The following ACSS1 variants were observed in gnomAD, a reference collection of about 807,000 sequenced individuals.
The protein encoded by ACSS1 is acetyl-coenzyme A synthetase 2-like, mitochondrial.
Under a neutral mutation model 75.3 loss-of-function variants are expected in ACSS1, and 42 were observed. The observed-to-expected ratio is 0.56, with a 90% CI of 0.44 to 0.72. The LOEUF is 0.72. Among genes scored for constraint, ACSS1 ranks in the 30% least tolerant of loss-of-function variants. The probability of loss-of-function intolerance (pLI) is 0.00; values close to 1 mark genes in which losing one functional copy is unlikely to be tolerated. For synonymous variants in ACSS1, 380 were observed against 376.8 expected, an observed-to-expected ratio of 1.01 and a Z score of -0.10; for missense variants, 782 against 935.7, an observed-to-expected ratio of 0.84 and a Z score of 2.14.
intron 13 of ACSS1, 83 bp downstream of exon 13, chr20:25,009,187 A>C: frequency 8.2e-7 from 1 of 1,222,078 alleles, no homozygotes; most frequent in East Asian, 2.3e-5. Context: ...GAAAAGAGTA[A>C]TATGCTCCTA....
chr20:25,015,362 CT>C lies in ACSS1; in HGVS notation c.1247-133del, dbSNP rs542094889. 56 of 723,138 alleles carry C rather than the reference CT, an allele frequency of 7.7e-5. No individual in the cohort carries two copies. In the East Asian group the frequency reaches 1.6e-3, roughly 20 times the overall value. 44.8% of individuals were successfully genotyped at this position (723,138 alleles called of 1,614,324 possible). A position where few individuals can be genotyped will look rare whatever the true frequency, so the allele number is the denominator to read the frequency against. On this transcript the variant is annotated intron_variant, in intron 7 of 13. Transcript: ENST00000323482. ...GTCTCACTCTGTCTCCCAGGATGATCTTGGCTCATTGCAACCTCCACCTCCC... is the reference window on the plus strand; with the variant it reads ...GTCTCACTCTGTCTCCCAGGATGATCTGGCTCATTGCAACCTCCACCTCCC...
chr20:25,052,493 G>A (rs2089188615), intron 1 of ACSS1, among the ~76,000 whole-genome samples: 1 of 152,222 alleles, frequency 6.6e-6, no homozygotes, highest in African/African-American at 2.4e-5. Context: ...TTCCCCAAGG[G>A]CAGGGACTGT....
At position 25,021,427 on chromosome 20, in the gene ACSS1, C is replaced by G. The variant is rs770603218; in HGVS notation, c.1070G>C (p.Ser357Thr). 1.2e-6 allele frequency: 2 copies of G among 1,614,226 alleles called. No homozygotes were observed. Among genetic ancestry groups the G allele is most frequent in the Non-Finnish European group, 1.7e-6 (2 of 1,180,026 alleles). ...AACTGGGGTGCTCTCAAAAAGGACG[C>G]TGGTGGCACCATTGCAGAGAGGCCC... ...VYGPLCNGAT[S>T]VLFESTPVYP... The change falls in exon 6 of 14, where the codon AGC becomes ACC. Residue 357 changes from serine (S) to threonine (T), a missense_variant. Transcript: ENST00000323482.
Position 25,018,577 on chromosome 20 carries a change from G to A in ACSS1, c.1246+1433C>T, listed in dbSNP as rs142719354. On this transcript the variant is annotated intron_variant, in intron 7 of 13. Coordinates refer to ENST00000323482, the MANE Select transcript of ACSS1 (RefSeq NM_032501.4). ...GAACCAAGTGCTGCGTTCAACACAG[G>A]CTGCCCTACTTGCTGAGTGACCTCA... is the stretch of plus-strand genomic sequence containing the variant. Among the ~76,000 whole-genome samples, 4 of 152,264 alleles carry A rather than the reference G, an allele frequency of 2.6e-5. No homozygotes were observed. The East Asian group carries it at 7.7e-4, about 29-fold the overall frequency.
Position 25,023,505 on chromosome 20 carries a change from G to A in ACSS1, c.768C>T (p.Asn256=). ...QHVLVAHRTD[N]KVHMGDLDVP... ...CGTCCAGATCCCCCATGTGGACCTT[G>A]TTGTCTGTCCTGTGAGCCACCAGGA... Residue 256 remains asparagine (N), a synonymous_variant, in exon 4 of 14, where the codon AAC becomes AAT. Transcript: ENST00000323482. The A allele has an allele frequency of 6.2e-7, 1 of 1,614,112 alleles. No individual in the cohort carries two copies. The highest frequency in any genetic ancestry group is 8.5e-7 in the Non-Finnish European group (1 of 1,180,026).
In ACSS1 at chr20:25,058,043, G is replaced by A; in HGVS notation, c.60C>T (p.Leu20=). The change falls in exon 1 of 14, where the codon CTC becomes CTT. Residue 20 remains leucine, a synonymous_variant. Transcript: ENST00000323482. ...ACGGCGGCCGCGCGGGCTGCCCCGA[G>A]AGCCCTCGCAGGCTGCCCAGCAGCC... ...VGRLLGSLRG[L]SGQPARPPCG... 2 of 1,358,476 alleles carry A rather than the reference G, an allele frequency of 1.5e-6. No homozygotes were observed. Among genetic ancestry groups the A allele is most frequent in the Non-Finnish European group, 1.9e-6 (2 of 1,063,500 alleles). The allele number at this position is 1,358,476 out of a possible 1,614,324, so 84.2% of individuals were successfully genotyped here. A position where few individuals can be genotyped will look rare whatever the true frequency, so the allele number is the denominator to read the frequency against.
Position 25,014,040 on chromosome 20 carries a change from G to A in ACSS1, c.1373C>T (p.Ser458Leu), listed in dbSNP as rs200294586. The A allele has an allele frequency of 5.1e-5, 82 of 1,612,664 alleles. No individual in the cohort carries two copies. Among genetic ancestry groups the A allele is most frequent in the East Asian group, 4.5e-5 (2 of 44,842 alleles). Residue 458 changes from serine to leucine, a missense_variant, in exon 9 of 14, where the codon TCG (serine) becomes TTG (leucine). Coordinates refer to ENST00000323482, the MANE Select transcript of ACSS1 (RefSeq NM_032501.4). The part of the protein sequence containing the change: ...TGGICIAPRP[S>L]EEGAEILPAM... ...AGGGAGGATTTCCGCCCCTTCTTCC[G>A]AGGGCCGTGGTGCGATGCAGATGCC...
At chr20:25,025,247 A>G (rs1354107119) in intron 3 of ACSS1, among the ~76,000 whole-genome samples, 1 of 152,122 alleles carries the variant, frequency 6.6e-6, no homozygotes, top group African/African-American at 2.4e-5. Flanking sequence ...CCTGACTCGC[A>G]CCTGTCCAGG....
Position 25,030,805 on chromosome 20 carries a change from G to T in ACSS1, c.585C>A (p.Ile195=). ...AGGACTCTGCACTGAAGCCAGCAAA[G>T]ATGACTGTGTGGACAGCTCCGATCC... ...CARIGAVHTV[I]FAGFSAESLA... is the part of the protein sequence containing the mutation. Residue 195 remains isoleucine (I), a synonymous_variant, in exon 3 of 14, where the codon ATC becomes ATA. Transcript: ENST00000323482. 1.2e-6 allele frequency: 2 copies of T among 1,614,236 alleles called. No homozygotes were observed. Among genetic ancestry groups the T allele is most frequent in the Non-Finnish European group, 1.7e-6 (2 of 1,180,054 alleles).
intron 7 of ACSS1, 115 bp downstream of exon 7, chr20:25,019,895 G>T: frequency 6.8e-7 from 1 of 1,470,810 alleles, no homozygotes. Flanking sequence ...GGCATTGCGT[G>T]AATTCACACA....
rs1030446516 is a variant in ACSS1 at position 25,007,107 on chromosome 20, C to T, written c.*655G>A. Reference sequence around the variant, plus strand: ...AGAAACACTCACCAGGAAAAGATGCCGGAGGCTTGGAAGTTCTCAAGGGAA... The same window carrying T: ...AGAAACACTCACCAGGAAAAGATGCTGGAGGCTTGGAAGTTCTCAAGGGAA... On this transcript the variant is annotated 3_prime_UTR_variant, in exon 14 of 14. Coordinates refer to ENST00000323482, the MANE Select transcript of ACSS1 (RefSeq NM_032501.4). 29 of 1,403,150 alleles carry T rather than the reference C, an allele frequency of 2.1e-5. No individual in the cohort carries two copies. The Admixed American group carries it at 4.7e-4, about 23-fold the overall frequency. 86.9% of individuals were successfully genotyped at this position (1,403,150 alleles called of 1,614,324 possible). A position where few individuals can be genotyped will look rare whatever the true frequency, so the allele number is the denominator to read the frequency against.
intron 1 of ACSS1, among the ~76,000 whole-genome samples, chr20:25,048,474 C>A (rs2089131305): frequency 6.6e-6 from 1 of 152,214 alleles, no homozygotes; most frequent in Non-Finnish European, 1.5e-5. Flanking sequence ...CCTAGAGACC[C>A]CATCCAATGG....
At chr20:25,014,909 G>T (rs977835858) in intron 8 of ACSS1, among the ~76,000 whole-genome samples, 1 of 152,190 alleles carries the variant, frequency 6.6e-6, no homozygotes, top group Non-Finnish European at 1.5e-5. Flanking sequence ...CCTCACAAAG[G>T]AGGAAACCGA....
chr20:25,011,879 C>G (rs1411512432), intron 12 of ACSS1: 3 of 152,450 alleles, frequency 2.0e-5, no homozygotes, highest in Non-Finnish European at 2.9e-5. Context: ...CTGGGCAGGG[C>G]AGGAGAAGCC....
intron 8 of ACSS1, 115 bp downstream of exon 8, chr20:25,015,023 G>T: frequency 1.2e-6 from 1 of 861,470 alleles, no homozygotes; most frequent in Non-Finnish European, 1.7e-6. Context: ...AGTCTCGGGC[G>T]TTGAAGCGTC....
intron 3 of ACSS1, among the ~76,000 whole-genome samples, chr20:25,024,885 G>T (rs113531257): frequency 6.6e-6 from 1 of 152,178 alleles, no homozygotes; most frequent in Non-Finnish European, 1.5e-5. Context: ...GACCTGCCCA[G>T]ATGCAGCCAC....
At chr20:25,039,789 C>A (rs184232061) in intron 2 of ACSS1, among the ~76,000 whole-genome samples, 1 of 152,286 alleles carries the variant, frequency 6.6e-6, no homozygotes, top group African/African-American at 2.4e-5. Context: ...TTCCTGTTAA[C>A]GCCTGGTTTT....
chr20:25,037,884 A>G lies in ACSS1; in HGVS notation c.432-6926T>C, dbSNP rs139665738. Among the ~76,000 whole-genome samples, 1,095 of 152,342 alleles carry G rather than the reference A, an allele frequency of 7.2e-3. 10 individuals are homozygous for G. Among genetic ancestry groups the G allele is most frequent in the Non-Finnish European group, 8.5e-3 (580 of 68,032 alleles). ...TACTGTAGCCACTGACTGTCATTCA[A>G]TGGTGGTAAGATTTGCTCACTCTGC... is the stretch of plus-strand genomic sequence containing the variant. On this transcript the variant is annotated intron_variant, in intron 2 of 13. Coordinates refer to ENST00000323482, the MANE Select transcript of ACSS1 (RefSeq NM_032501.4).
At chr20:25,018,923 G>A (rs1321315083) in intron 7 of ACSS1, among the ~76,000 whole-genome samples, 1 of 152,204 alleles carries the variant, frequency 6.6e-6, no homozygotes, top group East Asian at 1.9e-4. Context: ...TGGCATCCTC[G>A]CCACCCTGTA....
Sources: gnomAD v4.1 joint callset for allele counts (sites outside exome capture counted in the v4.1 genomes callset) on GRCh38, gnomAD v4.1.1 for gene constraint, MANE v1.5 for transcripts, NCBI Gene and HGNC (gene_info 2026-07-23, HGNC 2026-07-21) for gene names.